Variants in PCDHAC1 observed in about 807,000 individuals in gnomAD.
PCDHAC1 encodes protocadherin alpha-C1.
In PCDHAC1, 42 loss-of-function variants were observed where a neutral mutation model predicts 60.0. That is an observed-to-expected ratio of 0.70 (90% CI 0.55 to 0.90). The LOEUF is 0.90. PCDHAC1 is among the 40% of genes least tolerant of loss of function. PCDHAC1 has a pLI of 0.00. For missense variants in PCDHAC1, 1,160 were observed against 1,222.3 expected (o/e 0.95, Z 0.76); for synonymous variants, 468 against 499.3 (o/e 0.94, Z 0.84).
chr5:140,930,769 T>G (rs1373924244), intron 1 of PCDHAC1, among the ~76,000 whole-genome samples: 2 of 152,214 alleles, frequency 1.3e-5, no homozygotes, highest in Non-Finnish European at 2.9e-5. Context: ...TTTTCTGTAC[T>G]TAATATTTTC....
intron 2 of PCDHAC1, among the ~76,000 whole-genome samples, chr5:140,979,316 G>A (rs782153299): frequency 2.0e-5 from 3 of 151,950 alleles, no homozygotes; most frequent in Non-Finnish European, 4.4e-5. Context: ...CTCTACCTAT[G>A]CTTTCTTTTC....
chr5:140,933,677 T>C (rs1024721491), intron 1 of PCDHAC1, among the ~76,000 whole-genome samples: 1 of 151,826 alleles, frequency 6.6e-6, no homozygotes, highest in Non-Finnish European at 1.5e-5. Flanking sequence ...CTCTCTCACA[T>C]TTTTTTTCCT....
intron 3 of PCDHAC1, among the ~76,000 whole-genome samples, chr5:141,001,681 A>G (rs2153971146): frequency 6.6e-6 from 1 of 151,672 alleles, no homozygotes; most frequent in East Asian, 2.0e-4. Context: ...GGTCCAACAA[A>G]CCCCACAGAT....
chr5:140,955,386 G>T (rs942993673), intron 1 of PCDHAC1, among the ~76,000 whole-genome samples: 4 of 152,080 alleles, frequency 2.6e-5, no homozygotes, highest in African/African-American at 9.7e-5. Flanking sequence ...AATCATGGGG[G>T]CAATTATCCC....
At chr5:140,985,981 C>T (rs966841419) in intron 3 of PCDHAC1, among the ~76,000 whole-genome samples, 18 of 152,140 alleles carry the variant, frequency 1.2e-4, no homozygotes, top group Middle Eastern at 6.8e-3. Context: ...CCTCGTGATC[C>T]GCCCACCTCA....
intron 1 of PCDHAC1, among the ~76,000 whole-genome samples, chr5:140,931,212 T>A (rs556351535): frequency 3.5e-4 from 54 of 152,168 alleles, no homozygotes; most frequent in Non-Finnish European, 3.5e-4. Context: ...GTATTTCAGG[T>A]ATCAGAGCAC....
intron 3 of PCDHAC1, among the ~76,000 whole-genome samples, chr5:140,995,361 G>C (rs567350687): frequency 1.1e-3 from 168 of 152,090 alleles, no homozygotes; most frequent in African/African-American, 3.4e-3. Flanking sequence ...TCGGACAGAG[G>C]GATGATTCAC....
chr5:140,968,682 C>T, intron 1 of PCDHAC1: 1 of 1,614,128 alleles, frequency 6.2e-7, no homozygotes, highest in Non-Finnish European at 8.5e-7. Flanking sequence ...GAGCTGCACA[C>T]AGGAGAAATT....
chr5:140,992,841 A>G (rs1351149915), intron 3 of PCDHAC1, among the ~76,000 whole-genome samples: 2 of 152,188 alleles, frequency 1.3e-5, no homozygotes, highest in African/African-American at 2.4e-5. Flanking sequence ...AACATTTTGT[A>G]TAACAACCAG....
At chr5:140,981,017 G>T (rs782757397) in intron 2 of PCDHAC1, among the ~76,000 whole-genome samples, 42 of 152,076 alleles carry the variant, frequency 2.8e-4, no homozygotes, top group Non-Finnish European at 5.3e-4. Flanking sequence ...ACACTTGAAG[G>T]CTGTTAATAT....
At position 140,967,914 on chromosome 5, in the gene PCDHAC1, T is replaced by C. The variant is rs1376293284; in HGVS notation, c.2434-11035T>C. On this transcript the variant is annotated intron_variant, in intron 1 of 3. Coordinates refer to ENST00000253807, the MANE Select transcript of PCDHAC1 (RefSeq NM_018898.5). ...CCTGAGAATGCTACACCCAACACCA[T>C]TGTGGCCGTTCTCAGTGTCAATGAC... 1.2e-5 allele frequency: 20 copies of C among 1,614,060 alleles called. No individual in the cohort carries two copies. The highest frequency in any genetic ancestry group is 3.3e-5 in the South Asian group (3 of 91,086).
chr5:141,010,506 C>A lies in PCDHAC1; in HGVS notation c.*569C>A. ...CTTAAAGGGACCAGACTTTCTAAAT[C>A]TTACAACTCAAGAGGTGGCAGCCAC... is the stretch of plus-strand genomic sequence containing the variant. On this transcript the variant is annotated 3_prime_UTR_variant, in exon 4 of 4. Transcript: ENST00000253807. 1 of 549,534 alleles carries A rather than the reference C, an allele frequency of 1.8e-6. No homozygotes were observed. The highest frequency in any genetic ancestry group is 2.9e-6 in the Non-Finnish European group (1 of 344,162). 34.0% of individuals were successfully genotyped at this position (549,534 alleles called of 1,614,324 possible). A position where few individuals can be genotyped will look rare whatever the true frequency, so the allele number is the denominator to read the frequency against.
intron 1 of PCDHAC1, among the ~76,000 whole-genome samples, chr5:140,937,679 G>A (rs1357548421): frequency 5.9e-5 from 9 of 151,884 alleles, no homozygotes; most frequent in African/African-American, 1.9e-4. Context: ...TTGGGAGGCT[G>A]AGGCAGGCGG....
intron 1 of PCDHAC1, among the ~76,000 whole-genome samples, chr5:140,974,459 C>G (rs59098360): frequency 0.013 from 1,989 of 152,274 alleles, 54 homozygotes; most frequent in African/African-American, 0.046. Flanking sequence ...TGACTACATT[C>G]AGAGGAAAGT....
chr5:140,941,191 T>TTTTTCTTTC lies in PCDHAC1; in HGVS notation c.2433+11869_2433+11870insTCTTTCTTT, dbSNP rs1554213809. 3.1e-4 allele frequency among the ~76,000 whole-genome samples: 29 copies of TTTTTCTTTC among 93,252 alleles called. No homozygotes were observed. The East Asian group carries it at 6.1e-3, about 20-fold the overall frequency. 61.2% of individuals were successfully genotyped at this position (93,252 alleles called of 152,430 possible). On this transcript the variant is annotated intron_variant, in intron 1 of 3. Transcript: ENST00000253807. ...CATCTTGAACATCCTGCTTCTTTTT[T>TTTTTCTTTC]TTTCTTTCTTCCTTTCTTTCTTCCT...
intron 3 of PCDHAC1, among the ~76,000 whole-genome samples, chr5:140,990,224 G>A (rs1368393390): frequency 6.6e-6 from 1 of 152,160 alleles, no homozygotes; most frequent in South Asian, 2.1e-4. Flanking sequence ...GAAGTTTATT[G>A]TAACTAGCGT....
At chr5:140,938,507 C>T (rs2092094259) in intron 1 of PCDHAC1, among the ~76,000 whole-genome samples, 1 of 151,846 alleles carries the variant, frequency 6.6e-6, no homozygotes, top group Admixed American at 6.6e-5. Flanking sequence ...GAATTTATCA[C>T]ATATTTTCTG....
chr5:140,998,005 C>G (rs539275150), intron 3 of PCDHAC1, among the ~76,000 whole-genome samples: 1 of 152,164 alleles, frequency 6.6e-6, no homozygotes, highest in South Asian at 2.1e-4. Flanking sequence ...TCTGAGCCTT[C>G]CATCCCCACC....
chr5:140,962,034 C>T (rs527918306), intron 1 of PCDHAC1, among the ~76,000 whole-genome samples: 1 of 152,172 alleles, frequency 6.6e-6, no homozygotes, highest in South Asian at 2.1e-4. Context: ...CAGGCACCCA[C>T]CACCATGCCT....
Sources: gnomAD v4.1 joint callset for allele counts (sites outside exome capture counted in the v4.1 genomes callset) on GRCh38, gnomAD v4.1.1 for gene constraint, MANE v1.5 for transcripts, NCBI Gene and HGNC (gene_info 2026-07-23, HGNC 2026-07-21) for gene names.